MAB21L2: variants seen among roughly 807,000 people sequenced by gnomAD.
MAB21L2 encodes the protein protein mab-21-like 2.
In MAB21L2, 15 loss-of-function variants were observed where a neutral mutation model predicts 29.8. The ratio of observed to expected loss-of-function variants is 0.50; its 90% CI spans 0.34 to 0.78. The LOEUF is 0.78. MAB21L2 is among the 30% of genes least tolerant of loss of function. MAB21L2 has a pLI of 0.01. For missense variants in MAB21L2, 321 were observed against 480.1 expected (o/e 0.67, Z 3.10); for synonymous variants, 218 against 210.4 (o/e 1.04, Z -0.31).
Position 150,584,051 on chromosome 4 carries a change from A to G in MAB21L2, c.1022A>G (p.Gln341Arg). The G allele has an allele frequency of 6.3e-7, 1 of 1,593,106 alleles. No homozygotes were observed. The highest frequency in any genetic ancestry group is 8.5e-7 in the Non-Finnish European group (1 of 1,169,668). ...TCGGCCCTGGAGAGCGCTGCCAAGCAGACCTGGAGGTTGGCCAGGGAAATT... is the reference window on the plus strand; with the variant it reads ...TCGGCCCTGGAGAGCGCTGCCAAGCGGACCTGGAGGTTGGCCAGGGAAATT... ...PHSALESAAK[Q>R]TWRLAREILT... The change falls in exon 1 of 1, where the codon CAG becomes CGG. Residue 341 changes from glutamine (Q) to arginine (R), a missense_variant. Coordinates refer to ENST00000317605, the MANE Select transcript of MAB21L2 (RefSeq NM_006439.5).
rs576214546 is a variant in MAB21L2 at position 150,583,687 on chromosome 4, G to T, written c.658G>T (p.Gly220Cys). ...CTCGAAGGAGTGCTACTCGCTGACC[G>T]GCAAGCAGAGCTCGGCAGAGAGCGA... ...LLSKECYSLT[G>C]KQSSAESDAW... Residue 220 changes from glycine (G) to cysteine (C), a missense_variant, in exon 1 of 1, where the codon GGC becomes TGC. Coordinates refer to ENST00000317605, the MANE Select transcript of MAB21L2 (RefSeq NM_006439.5). The surrounding 1 kb of genome is among the most constrained non-coding windows in gnomAD (Gnocchi z 9.8). 4.5e-5 allele frequency: 72 copies of T among 1,613,712 alleles called. No individual in the cohort carries two copies. The East Asian group carries it at 7.4e-4, about 16-fold the overall frequency.
In MAB21L2 at chr4:150,583,619, C is replaced by T; in HGVS notation, c.590C>T (p.Pro197Leu). Residue 197 changes from proline to leucine, a missense_variant, in exon 1 of 1, where the codon CCC becomes CTC. Pro to Leu is a moderately conservative substitution (Grantham distance 98). Coordinates refer to ENST00000317605, the MANE Select transcript of MAB21L2 (RefSeq NM_006439.5). The surrounding 1 kb of genome is among the most constrained non-coding windows in gnomAD (Gnocchi z 9.8). Reference protein sequence around the residue: ...WPMPHIPWPGPNRVAEVKAEG... With the variant: ...WPMPHIPWPGLNRVAEVKAEG... ...ATGCCCCACATCCCTTGGCCCGGCC[C>T]CAATCGGGTGGCCGAGGTCAAGGCC... is the stretch of plus-strand genomic sequence containing the variant. The T allele has an allele frequency of 2.5e-6, 4 of 1,614,032 alleles. No homozygotes were observed. The highest frequency in any genetic ancestry group is 3.4e-6 in the Non-Finnish European group (4 of 1,180,020).
rs752099479 is a variant in MAB21L2, at chr4:150,583,932, C to G, written c.903C>G (p.Asn301Lys). The change falls in exon 1 of 1, where the codon AAC becomes AAG. Residue 301 changes from asparagine to lysine, a missense_variant. Physicochemically the swap from Asn to Lys is moderately conservative, Grantham distance 94. Transcript: ENST00000317605. The surrounding 1 kb of genome is among the most constrained non-coding windows in gnomAD (Gnocchi z 9.8). ...WDESCLGDRL[N>K]GILLQLISCL... Reference sequence around the variant, plus strand: ...AGTCGTGCCTGGGCGACCGGCTCAACGGCATCCTGCTGCAGCTCATCTCCT... The same window carrying G: ...AGTCGTGCCTGGGCGACCGGCTCAAGGGCATCCTGCTGCAGCTCATCTCCT... The G allele has an allele frequency of 6.2e-7, 1 of 1,612,798 alleles. No homozygotes were observed. The highest frequency in any genetic ancestry group is 8.5e-7 in the Non-Finnish European group (1 of 1,179,414).
rs1561385965 is a variant in MAB21L2, at chr4:150,582,920, G to A, written c.-110G>A. ...ACGAGAGTGAAAGTAGGGCTTAACGGGGAGCGCACCGCCTCTTTCGAAAGC... is the reference window on the plus strand; with the variant it reads ...ACGAGAGTGAAAGTAGGGCTTAACGAGGAGCGCACCGCCTCTTTCGAAAGC... On this transcript the variant is annotated 5_prime_UTR_variant, in exon 1 of 1. Coordinates refer to ENST00000317605, the MANE Select transcript of MAB21L2 (RefSeq NM_006439.5). The A allele has an allele frequency of 1.5e-6, 2 of 1,308,890 alleles. No homozygotes were observed. Among genetic ancestry groups the A allele is most frequent in the South Asian group, 3.0e-5 (2 of 67,504 alleles). 81.1% of individuals were successfully genotyped at this position (1,308,890 alleles called of 1,614,324 possible). A position where few individuals can be genotyped will look rare whatever the true frequency, so the allele number is the denominator to read the frequency against.
rs1453222814 is a variant in MAB21L2, at chr4:150,584,201, C to G, written c.*92C>G. Reference sequence around the variant, plus strand: ...AAACAGCAGAAACTCTGGACACAAACTTTTATGTAAGTCACCTGAAATAGG... The same window carrying G: ...AAACAGCAGAAACTCTGGACACAAAGTTTTATGTAAGTCACCTGAAATAGG... On this transcript the variant is annotated 3_prime_UTR_variant, in exon 1 of 1. Coordinates refer to ENST00000317605, the MANE Select transcript of MAB21L2 (RefSeq NM_006439.5). 1.4e-5 allele frequency: 19 copies of G among 1,357,180 alleles called. No homozygotes were observed. In the East Asian group the frequency reaches 4.8e-4, roughly 35 times the overall value. The allele number at this position is 1,357,180 out of a possible 1,614,324, so 84.1% of individuals were successfully genotyped here. A position where few individuals can be genotyped will look rare whatever the true frequency, so the allele number is the denominator to read the frequency against.
Position 150,583,747 on chromosome 4 carries a change from C to T in MAB21L2, c.718C>T (p.Arg240Cys), listed in dbSNP as rs1412872049. ...WVLQFGEAEN[R>C]LLMGGCRNKC... is the part of the protein sequence containing the mutation. The stretch of plus-strand genomic sequence containing the variant: ...GCTACAGTTCGGGGAGGCGGAGAAC[C>T]GCCTGCTGATGGGCGGCTGCCGAAA... The change falls in exon 1 of 1, where the codon CGC (arginine) becomes TGC (cysteine). Residue 240 changes from arginine (R) to cysteine (C), a missense_variant. Coordinates refer to ENST00000317605, the MANE Select transcript of MAB21L2 (RefSeq NM_006439.5). This position sits in a 1 kb window ranked among gnomAD's most constrained non-coding sequence, Gnocchi z 9.8. 6.2e-7 allele frequency: 1 copy of T among 1,613,520 alleles called. No homozygotes were observed. The highest frequency in any genetic ancestry group is 8.5e-7 in the Non-Finnish European group (1 of 1,179,828).
Position 150,582,987 on chromosome 4 carries a change from G to T in MAB21L2, c.-43G>T. ...GTGCGTGAGCCTTGGATCCCTCAAC[G>T]TATTGCGAGACGCCGGTGTATAGCC... On this transcript the variant is annotated 5_prime_UTR_variant, in exon 1 of 1. Transcript: ENST00000317605. 6.5e-7 allele frequency: 1 copy of T among 1,536,560 alleles called. No homozygotes were observed. Among genetic ancestry groups the T allele is most frequent in the South Asian group, 1.3e-5 (1 of 77,946 alleles).
rs963247758 is a variant in MAB21L2, at chr4:150,582,206, A to G, written c.-824A>G. On this transcript the variant is annotated 5_prime_UTR_variant, in exon 1 of 1. Coordinates refer to ENST00000317605, the MANE Select transcript of MAB21L2 (RefSeq NM_006439.5). ...CTAAAACGGATTTTGTGAGGGCCAA[A>G]AGTATAAATTACGAAGCAGAAATGA... is the stretch of plus-strand genomic sequence containing the variant. 1 of 152,150 alleles carries G rather than the reference A, an allele frequency of 6.6e-6. No homozygotes were observed. The highest frequency in any genetic ancestry group is 6.5e-5 in the Admixed American group (1 of 15,282). 9.4% of individuals were successfully genotyped at this position (152,150 alleles called of 1,614,324 possible). A position where few individuals can be genotyped will look rare whatever the true frequency, so the allele number is the denominator to read the frequency against.
chr4:150,583,846 C>T lies in MAB21L2; in HGVS notation c.817C>T (p.His273Tyr). 1 of 1,614,208 alleles carries T rather than the reference C, an allele frequency of 6.2e-7. No individual in the cohort carries two copies. The highest frequency in any genetic ancestry group is 8.5e-7 in the Non-Finnish European group (1 of 1,180,030). Residue 273 changes from histidine to tyrosine, a missense_variant, in exon 1 of 1, where the codon CAC (histidine) becomes TAC (tyrosine). His to Tyr is a moderately conservative substitution (Grantham distance 83). Transcript: ENST00000317605. This position sits in a 1 kb window ranked among gnomAD's most constrained non-coding sequence, Gnocchi z 9.8. Reference sequence around the variant, plus strand: ...ACCCGGCCAGCCGCTCAACAACTACCACATGAAGACGCTGCTGCTGTACGA... The same window carrying T: ...ACCCGGCCAGCCGCTCAACAACTACTACATGAAGACGCTGCTGCTGTACGA... ...ELPGQPLNNY[H>Y]MKTLLLYECE...
rs1055096110 is a variant in MAB21L2, at chr4:150,583,314, C to A, written c.285C>A (p.Pro95=). 2 of 1,614,200 alleles carry A rather than the reference C, an allele frequency of 1.2e-6. No individual in the cohort carries two copies. Among genetic ancestry groups the A allele is most frequent in the Admixed American group, 1.7e-5 (1 of 60,030 alleles). ...VFNFVDDGSL[P]GCAVLKLSDG... is the part of the protein sequence containing the mutation. ...ACTTCGTGGACGACGGCTCGCTGCC[C>A]GGCTGCGCAGTGCTCAAACTGAGCG... Residue 95 remains proline (P), a synonymous_variant, in exon 1 of 1, where the codon CCC becomes CCA. Transcript: ENST00000317605. This position sits in a 1 kb window ranked among gnomAD's most constrained non-coding sequence, Gnocchi z 9.8.
rs754702590 is a variant in MAB21L2, at chr4:150,583,338, C to A, written c.309C>A (p.Ser103Arg). The change falls in exon 1 of 1, where the codon AGC (serine) becomes AGA (arginine). Residue 103 changes from serine to arginine, a missense_variant. Coordinates refer to ENST00000317605, the MANE Select transcript of MAB21L2 (RefSeq NM_006439.5). This position sits in a 1 kb window ranked among gnomAD's most constrained non-coding sequence, Gnocchi z 9.8. Reference sequence around the variant, plus strand: ...CCGGCTGCGCAGTGCTCAAACTGAGCGATGGGCGGAAGCGGAGCATGTCTC... The same window carrying A: ...CCGGCTGCGCAGTGCTCAAACTGAGAGATGGGCGGAAGCGGAGCATGTCTC... ...SLPGCAVLKL[S>R]DGRKRSMSLW... 6.2e-7 allele frequency: 1 copy of A among 1,614,054 alleles called. No homozygotes were observed.
At position 150,583,050 on chromosome 4, in the gene MAB21L2, G is replaced by C; in HGVS notation, c.21G>C (p.Lys7Asn). 6.2e-7 allele frequency: 1 copy of C among 1,605,992 alleles called. No homozygotes were observed. The change falls in exon 1 of 1, where the codon AAG becomes AAC. Residue 7 changes from lysine (K) to asparagine (N), a missense_variant. By Grantham distance (94) the Lys-to-Asn change is moderately conservative. Transcript: ENST00000317605. This position sits in a 1 kb window ranked among gnomAD's most constrained non-coding sequence, Gnocchi z 9.8. ...CCAACATGATCGCCGCTCAGGCCAA[G>C]CTGGTTTACCAGCTCAATAAGTACT... MIAAQA[K>N]LVYQLNKYYT...
Position 150,583,022 on chromosome 4 carries a change from G to A in MAB21L2, c.-8G>A. The A allele has an allele frequency of 1.9e-6, 3 of 1,582,386 alleles. No homozygotes were observed. Among genetic ancestry groups the A allele is most frequent in the Non-Finnish European group, 2.6e-6 (3 of 1,162,900 alleles). ...ACGCCGGTGTATAGCCCGGACCTGT[G>A]CCCCAACATGATCGCCGCTCAGGCC... On this transcript the variant is annotated 5_prime_UTR_variant, in exon 1 of 1. Coordinates refer to ENST00000317605, the MANE Select transcript of MAB21L2 (RefSeq NM_006439.5). This position sits in a 1 kb window ranked among gnomAD's most constrained non-coding sequence, Gnocchi z 9.8.
chr4:150,584,224 A>T lies in MAB21L2; in HGVS notation c.*115A>T. On this transcript the variant is annotated 3_prime_UTR_variant, in exon 1 of 1. Coordinates refer to ENST00000317605, the MANE Select transcript of MAB21L2 (RefSeq NM_006439.5). ...AACTTTTATGTAAGTCACCTGAAAT[A>T]GGAATCCGGCAGAAGACCTTCATTA... is the stretch of plus-strand genomic sequence containing the variant. 8.1e-7 allele frequency: 1 copy of T among 1,230,550 alleles called. No individual in the cohort carries two copies. The highest frequency in any genetic ancestry group is 2.1e-4 in the Middle Eastern group (1 of 4,786). 76.2% of individuals were successfully genotyped at this position (1,230,550 alleles called of 1,614,324 possible).
Position 150,583,056 on chromosome 4 carries a change from T to C in MAB21L2, c.27T>C (p.Val9=). The C allele has an allele frequency of 6.2e-7, 1 of 1,608,742 alleles. No homozygotes were observed. Among genetic ancestry groups the C allele is most frequent in the South Asian group, 1.1e-5 (1 of 90,610 alleles). The part of the protein sequence containing the change: MIAAQAKL[V]YQLNKYYTER... ...TGATCGCCGCTCAGGCCAAGCTGGT[T>C]TACCAGCTCAATAAGTACTACACTG... is the stretch of plus-strand genomic sequence containing the variant. The change falls in exon 1 of 1, where the codon GTT becomes GTC. Residue 9 remains valine (V), a synonymous_variant. Coordinates refer to ENST00000317605, the MANE Select transcript of MAB21L2 (RefSeq NM_006439.5). This position sits in a 1 kb window ranked among gnomAD's most constrained non-coding sequence, Gnocchi z 9.8.
At position 150,583,657 on chromosome 4, in the gene MAB21L2, T is replaced by C. The variant is rs766901362; in HGVS notation, c.628T>C (p.Leu210=). The C allele has an allele frequency of 6.8e-6, 11 of 1,613,992 alleles. No homozygotes were observed. The South Asian group carries it at 1.1e-4, about 16-fold the overall frequency. The change falls in exon 1 of 1, where the codon TTG becomes CTG. Residue 210 remains leucine, a synonymous_variant. Transcript: ENST00000317605. This position sits in a 1 kb window ranked among gnomAD's most constrained non-coding sequence, Gnocchi z 9.8. ...VAEVKAEGFN[L]LSKECYSLTG... ...CGAGGTCAAGGCCGAAGGGTTCAAC[T>C]TGCTCTCGAAGGAGTGCTACTCGCT...
Position 150,583,275 on chromosome 4 carries a change from G to A in MAB21L2, c.246G>A (p.Gln82=), listed in dbSNP as rs1312761813. 2 of 1,614,220 alleles carry A rather than the reference G, an allele frequency of 1.2e-6. No individual in the cohort carries two copies. The highest frequency in any genetic ancestry group is 8.5e-7 in the Non-Finnish European group (1 of 1,180,048). Residue 82 remains glutamine, a synonymous_variant, in exon 1 of 1, where the codon CAG becomes CAA. Coordinates refer to ENST00000317605, the MANE Select transcript of MAB21L2 (RefSeq NM_006439.5). The surrounding 1 kb of genome is among the most constrained non-coding windows in gnomAD (Gnocchi z 9.8). ...TEFEVVLYLN[Q]MGVFNFVDDG... The stretch of plus-strand genomic sequence containing the variant: ...TTGAGGTGGTGCTCTACCTAAACCA[G>A]ATGGGCGTCTTCAACTTCGTGGACG...
Position 150,582,760 on chromosome 4 carries a change from G to C in MAB21L2, c.-270G>C. ...TTACATATCAAGAGAAAGCAAAAAG[G>C]TTCCAAGAGGTACTTTTCTTTTTAG... On this transcript the variant is annotated 5_prime_UTR_variant, in exon 1 of 1. Coordinates refer to ENST00000317605, the MANE Select transcript of MAB21L2 (RefSeq NM_006439.5). The C allele has an allele frequency of 4.9e-6, 2 of 407,302 alleles. No homozygotes were observed. The highest frequency in any genetic ancestry group is 8.7e-6 in the Non-Finnish European group (2 of 230,028). 25.2% of individuals were successfully genotyped at this position (407,302 alleles called of 1,614,324 possible).
At position 150,583,193 on chromosome 4, in the gene MAB21L2, C is replaced by A; in HGVS notation, c.164C>A (p.Ser55Tyr). ...GTGCAGGAGCCTCGCTTCATCAGCTCCTTGAGCGAGATCGATGCCCGCTAC... is the reference window on the plus strand; with the variant it reads ...GTGCAGGAGCCTCGCTTCATCAGCTACTTGAGCGAGATCGATGCCCGCTAC... ...VEVQEPRFISSLSEIDARYEG... is the reference protein window; with the variant it reads ...VEVQEPRFISYLSEIDARYEG... Residue 55 changes from serine (S) to tyrosine (Y), a missense_variant, in exon 1 of 1, where the codon TCC becomes TAC. Transcript: ENST00000317605. The surrounding 1 kb of genome is among the most constrained non-coding windows in gnomAD (Gnocchi z 9.8). The A allele has an allele frequency of 6.2e-7, 1 of 1,614,222 alleles. No individual in the cohort carries two copies. Among genetic ancestry groups the A allele is most frequent in the Non-Finnish European group, 8.5e-7 (1 of 1,180,038 alleles).
Sources: allele counts gnomAD v4.1 joint callset, GRCh38; gene constraint gnomAD v4.1.1; non-coding constraint Gnocchi (gnomAD v3.1); transcripts MANE v1.5; gene names NCBI Gene and HGNC (gene_info 2026-07-23, HGNC 2026-07-21).